TSPAN16: variants seen among roughly 807,000 people sequenced by gnomAD.
TSPAN16 encodes tetraspanin 16.
A neutral mutation model predicts 25.2 loss-of-function variants in TSPAN16; 23 were observed. The observed-to-expected ratio is 0.91, with a 90% CI of 0.66 to 1.29. The LOEUF is 1.29. Among genes scored for constraint, TSPAN16 ranks in the 50% most tolerant of loss-of-function variants. The pLI is 0.00. For synonymous variants in TSPAN16, 123 were observed against 124.4 expected (o/e 0.99, Z 0.08); for missense variants, 272 against 299.9 (o/e 0.91, Z 0.69).
downstream of TSPAN16, among the ~76,000 whole-genome samples, chr19:11,318,577 T>C (rs1208872136): frequency 1.3e-5 from 2 of 152,198 alleles, no homozygotes; most frequent in Non-Finnish European, 2.9e-5. Context: ...CAGGGGTTCA[T>C]TCAATGACCA....
intron 6 of TSPAN16, among the ~76,000 whole-genome samples, chr19:11,321,863 G>A (rs2080781881): frequency 6.6e-6 from 1 of 152,150 alleles, no homozygotes; most frequent in South Asian, 2.1e-4. Flanking sequence ...AAGTAGTTGA[G>A]GGAAATAGTG....
chr19:11,306,398 T>C (rs775223153), intron 4 of TSPAN16, among the ~76,000 whole-genome samples: 4 of 151,916 alleles, frequency 2.6e-5, no homozygotes, highest in East Asian at 1.9e-4. Flanking sequence ...TCTCACCCTG[T>C]TGCCCAGGCT....
intron 4 of TSPAN16, 64 bp from the exon 5 acceptor site, chr19:11,306,540 C>T (rs774153660): frequency 5.0e-6 from 8 of 1,593,312 alleles, no homozygotes; most frequent in African/African-American, 2.7e-5. Context: ...CCATGGTAAC[C>T]GTGATTTCTG....
At position 11,315,851 on chromosome 19, in the gene TSPAN16, GAGA is replaced by G. The variant is rs1232982126; in HGVS notation, c.*17_*19del. ...CAAGCTGGGCTGACACCCAGGCCTG[GAGA>G]AGATGAGACACCTGGGCCCATCTGG... On this transcript the variant is annotated 3_prime_UTR_variant, in exon 7 of 7. Coordinates refer to ENST00000590327, the MANE Select transcript of TSPAN16 (RefSeq NM_001282509.2). 140 of 1,231,774 alleles carry G rather than the reference GAGA, an allele frequency of 1.1e-4. No individual in the cohort carries two copies. The highest frequency in any genetic ancestry group is 1.3e-4 in the Non-Finnish European group (133 of 987,826). The allele number at this position is 1,231,774 out of a possible 1,614,324, so 76.3% of individuals were successfully genotyped here. A position where few individuals can be genotyped will look rare whatever the true frequency, so the allele number is the denominator to read the frequency against.
chr19:11,321,706 G>A (rs1280816372), intron 6 of TSPAN16, among the ~76,000 whole-genome samples: 1 of 152,086 alleles, frequency 6.6e-6, no homozygotes, highest in African/African-American at 2.4e-5. Context: ...ATCATGCAGG[G>A]CCCCGGGGGC....
chr19:11,320,061 GC>G (rs2080768925), downstream of TSPAN16, among the ~76,000 whole-genome samples: 1 of 149,464 alleles, frequency 6.7e-6, no homozygotes, highest in Non-Finnish European at 1.5e-5. Context: ...CTCGTGACCT[GC>G]CCGCCTCCGC....
chr19:11,315,937 G>A lies in TSPAN16; in HGVS notation c.*99G>A, dbSNP rs994983589. ...TGTGGCACTCACTGCTTCTGGAGGG[G>A]AGACTGTTAATAAAAGATTTGGGAA... is the stretch of plus-strand genomic sequence containing the variant. On this transcript the variant is annotated 3_prime_UTR_variant, in exon 7 of 7. Transcript: ENST00000590327. 5 of 1,230,212 alleles carry A rather than the reference G, an allele frequency of 4.1e-6. No homozygotes were observed. In the African/African-American group the frequency reaches 4.7e-5, roughly 11 times the overall value. The allele number at this position is 1,230,212 out of a possible 1,614,324, so 76.2% of individuals were successfully genotyped here.
chr19:11,300,162 G>A (rs562560305), intron 3 of TSPAN16, among the ~76,000 whole-genome samples: 3 of 152,224 alleles, frequency 2.0e-5, no homozygotes, highest in East Asian at 3.9e-4. Context: ...ATAGAGTGCC[G>A]TCCTCATTGG....
chr19:11,310,374 G>C (rs1046637772), intron 5 of TSPAN16, among the ~76,000 whole-genome samples: 1 of 151,870 alleles, frequency 6.6e-6, no homozygotes, highest in African/African-American at 2.4e-5. Context: ...AATTAGCCGG[G>C]CGTGGTGGTG....
At chr19:11,321,326 C>G (rs775875138) in intron 6 of TSPAN16, 7 of 152,056 alleles carry the variant, frequency 4.6e-5, no homozygotes, top group Non-Finnish European at 8.8e-5. Context: ...GGAGAAGAGC[C>G]GAGAGAAGGC....
chr19:11,325,125 T>C (rs2080803876), intron 6 of TSPAN16: 2 of 363,248 alleles, frequency 5.5e-6, no homozygotes, highest in Non-Finnish European at 1.0e-5. Context: ...CAACACACCC[T>C]GGAAAGCAGC....
chr19:11,323,829 A>G (rs399878), intron 6 of TSPAN16: 37,802 of 152,054 alleles, frequency 0.25, 9,419 homozygotes, highest in African/African-American at 0.65. Flanking sequence ...TAAAACATCC[A>G]CTTAGCCATC....
intron 4 of TSPAN16, among the ~76,000 whole-genome samples, chr19:11,303,577 T>TAAAAAAAAAAAAAAAAAAA (rs1322861353): frequency 6.4e-5 from 5 of 78,290 alleles, no homozygotes; most frequent in Non-Finnish European, 8.1e-5. Flanking sequence ...ATAAATAAAT[T>TAAAAAAAAAAAAAAAAAAA]AAAAAAAAAA....
At chr19:11,325,839 T>C (rs535600358) in intron 6 of TSPAN16, among the ~76,000 whole-genome samples, 1 of 152,270 alleles carries the variant, frequency 6.6e-6, no homozygotes, top group South Asian at 2.1e-4. Flanking sequence ...TAAAGGAAGC[T>C]ACGGCGGGAG....
At chr19:11,316,395 C>T (rs896434551), downstream of TSPAN16, among the ~76,000 whole-genome samples, 12 of 152,196 alleles carry the variant, frequency 7.9e-5, no homozygotes, top group East Asian at 2.1e-3. Flanking sequence ...GTTGGGATTA[C>T]AGGTGTAAGC....
Position 11,296,213 on chromosome 19 carries a change from A to C in TSPAN16, c.-85A>C. ...AAGTCAGCATTGGCGCCCCTTCCTC[A>C]GATCCCTATCATCTTGGGAAACAGT... On this transcript the variant is annotated 5_prime_UTR_variant, in exon 1 of 7. Coordinates refer to ENST00000590327, the MANE Select transcript of TSPAN16 (RefSeq NM_001282509.2). The C allele has an allele frequency of 7.0e-7, 1 of 1,430,028 alleles. No individual in the cohort carries two copies. Among genetic ancestry groups the C allele is most frequent in the East Asian group, 2.3e-5 (1 of 43,812 alleles). The allele number at this position is 1,430,028 out of a possible 1,614,324, so 88.6% of individuals were successfully genotyped here.
chr19:11,310,425 G>A (rs999559218), intron 5 of TSPAN16, among the ~76,000 whole-genome samples: 6 of 151,538 alleles, frequency 4.0e-5, no homozygotes, highest in African/African-American at 1.5e-4. Context: ...TGAGGCAGGA[G>A]AATTGCTTGA....
Position 11,309,800 on chromosome 19 carries a change from A to G in TSPAN16, c.604-2339A>G, listed in dbSNP as rs576633520. ...GCCACTGTCCAATTCAGTGCCAGGC[A>G]CTTAAATACCTATTATGTGGCCAAG... On this transcript the variant is annotated intron_variant, in intron 5 of 6. Coordinates refer to ENST00000590327, the MANE Select transcript of TSPAN16 (RefSeq NM_001282509.2). 7.9e-5 allele frequency among the ~76,000 whole-genome samples: 12 copies of G among 152,318 alleles called. No individual in the cohort carries two copies. In the South Asian group the frequency reaches 2.5e-3, roughly 32 times the overall value.
rs369400323 is a variant in TSPAN16 at position 11,314,251 on chromosome 19, T to A, written c.688-1540T>A. On this transcript the variant is annotated intron_variant, in intron 6 of 6. Coordinates refer to ENST00000590327, the MANE Select transcript of TSPAN16 (RefSeq NM_001282509.2). ...TTTCTGTGGTTCATGATGAAAATGTTCTTAAGTTATATAGTAGTGATGGTA... is the reference window on the plus strand; with the variant it reads ...TTTCTGTGGTTCATGATGAAAATGTACTTAAGTTATATAGTAGTGATGGTA... Among the ~76,000 whole-genome samples the A allele has an allele frequency of 4.6e-5, 7 of 152,324 alleles. 1 individual carries two copies. The East Asian group carries it at 7.7e-4, about 17-fold the overall frequency.
Sources: allele counts gnomAD v4.1 joint callset (sites outside exome capture counted in the v4.1 genomes callset), GRCh38; gene constraint gnomAD v4.1.1; transcripts MANE v1.5; gene names NCBI Gene and HGNC (gene_info 2026-07-23, HGNC 2026-07-21).